RAP1B: variants seen among roughly 807,000 people sequenced by gnomAD.
RAP1B encodes ras-related protein Rap-1b.
In RAP1B, 1 loss-of-function variant was observed where a neutral mutation model predicts 27.5. The observed-to-expected ratio is 0.04, with a 90% CI of 0.01 to 0.17. RAP1B has a LOEUF of 0.17. Among genes scored for constraint, RAP1B ranks in the 10% least tolerant of loss-of-function variants. RAP1B has a pLI of 1.00. For missense variants in RAP1B, 84 were observed against 214.8 expected (o/e 0.39, Z 3.81); for synonymous variants, 75 against 73.1 (o/e 1.03, Z -0.13).
intron 3 of RAP1B, chr12:68,650,925 T>G (rs1163530444): frequency 6.6e-6 from 1 of 152,428 alleles, no homozygotes; most frequent in Non-Finnish European, 1.5e-5. Flanking sequence ...GATTTCAGAT[T>G]ATTTTCTGAT....
At chr12:68,626,962 C>T in intron 1 of RAP1B, 1 of 1,522,862 alleles carries the variant, frequency 6.6e-7, no homozygotes, top group Non-Finnish European at 9.0e-7. Context: ...TTCTCAGTCA[C>T]CATGTCTTCA....
Position 68,646,826 on chromosome 12 carries a change from C to T in RAP1B, c.-26-1873C>T, listed in dbSNP as rs566900829. Among the ~76,000 whole-genome samples, 6 of 152,298 alleles carry T rather than the reference C, an allele frequency of 3.9e-5. No homozygotes were observed. The South Asian group carries it at 1.2e-3, about 32-fold the overall frequency. ...ACAAGTAGCCTCATCTGTGGGCTTG[C>T]ATTTCTTCGAAAACAAAGACCTTTT... On this transcript the variant is annotated intron_variant, in intron 1 of 7. Coordinates refer to ENST00000250559, the MANE Select transcript of RAP1B (RefSeq NM_001010942.3).
intron 1 of RAP1B, among the ~76,000 whole-genome samples, chr12:68,627,761 G>GA (rs1871917775): frequency 6.6e-6 from 1 of 151,982 alleles, no homozygotes; most frequent in Admixed American, 6.6e-5. Flanking sequence ...CCAGTATACT[G>GA]AAAAAACAGA....
At chr12:68,648,612 C>G (rs1236363445) in intron 1 of RAP1B, 87 bp from the exon 2 acceptor site, 2 of 1,083,962 alleles carry the variant, frequency 1.8e-6, no homozygotes, top group East Asian at 5.2e-5. Flanking sequence ...TTAAATAAAT[C>G]TATTTTCCTG....
chr12:68,619,266 T>A (rs950916492), intron 1 of RAP1B, among the ~76,000 whole-genome samples: 1 of 152,160 alleles, frequency 6.6e-6, no homozygotes, highest in Non-Finnish European at 1.5e-5. Context: ...TTGAAAACAG[T>A]GAGGCTTTGC....
chr12:68,624,002 C>T (rs1871568414), intron 1 of RAP1B, among the ~76,000 whole-genome samples: 2 of 140,542 alleles, frequency 1.4e-5, no homozygotes, highest in Admixed American at 1.5e-4. Flanking sequence ...GCCTGGGCGA[C>T]AGAGTGAGAC....
intron 1 of RAP1B, chr12:68,643,068 T>C: frequency 1.5e-6 from 1 of 669,966 alleles, no homozygotes. Flanking sequence ...GTTGTTCATC[T>C]TAAAATTTCT....
rs903392829 is a variant in RAP1B at position 68,637,512 on chromosome 12, A to G, written c.-26-11187A>G. On this transcript the variant is annotated intron_variant, in intron 1 of 7. Coordinates refer to ENST00000250559, the MANE Select transcript of RAP1B (RefSeq NM_001010942.3). ...CTCGGGAGGCTGAGAGAGGAGAATCAGTTGAACCAGGGAGGCTGAGGTTGC... is the reference window on the plus strand; with the variant it reads ...CTCGGGAGGCTGAGAGAGGAGAATCGGTTGAACCAGGGAGGCTGAGGTTGC... Among the ~76,000 whole-genome samples the G allele has an allele frequency of 3.5e-5, 5 of 143,702 alleles. No individual in the cohort carries two copies. In the Admixed American group the frequency reaches 3.7e-4, roughly 11 times the overall value. 94.3% of individuals were successfully genotyped at this position (143,702 alleles called of 152,430 possible). A position where few individuals can be genotyped will look rare whatever the true frequency, so the allele number is the denominator to read the frequency against.
chr12:68,650,584 T>G, intron 3 of RAP1B, 116 bp downstream of exon 3: 2 of 993,026 alleles, frequency 2.0e-6, no homozygotes, highest in East Asian at 3.5e-5. Flanking sequence ...TTTATAAAAT[T>G]AGTGGGAAAA....
chr12:68,657,366 T>C, intron 7 of RAP1B, 149 bp downstream of exon 7: 1 of 513,954 alleles, frequency 1.9e-6, no homozygotes, highest in African/African-American at 2.0e-5. Flanking sequence ...TATGCTATCT[T>C]ATTAATTATT....
At chr12:68,658,611 T>TA (rs1414820350) in intron 7 of RAP1B, among the ~76,000 whole-genome samples, 1 of 152,262 alleles carries the variant, frequency 6.6e-6, no homozygotes, top group Non-Finnish European at 1.5e-5. Context: ...GTTTACTTTT[T>TA]AAAATCTTTA....
At chr12:68,629,708 T>TGTTAAGCA (rs559575895) in intron 1 of RAP1B, among the ~76,000 whole-genome samples, 87 of 152,270 alleles carry the variant, frequency 5.7e-4, no homozygotes, top group African/African-American at 2.0e-3. Flanking sequence ...AACAACTCAA[T>TGTTAAGCA]CTGTTAACTA....
chr12:68,634,319 A>G (rs181925170), intron 1 of RAP1B, among the ~76,000 whole-genome samples: 60 of 152,318 alleles, frequency 3.9e-4, no homozygotes, highest in East Asian at 1.3e-3. Flanking sequence ...TCCATTTTCA[A>G]ATGAGGAAAT....
chr12:68,651,751 G>C (rs1230811010), intron 3 of RAP1B: 1 of 444,742 alleles, frequency 2.2e-6, no homozygotes. Flanking sequence ...AGACTGGTTC[G>C]TGTAGGTTTC....
intron 1 of RAP1B, among the ~76,000 whole-genome samples, chr12:68,631,624 T>C (rs1014392558): frequency 6.6e-6 from 1 of 152,212 alleles, no homozygotes; most frequent in Non-Finnish European, 1.5e-5. Flanking sequence ...CTAATTAATG[T>C]TCCCATGTTA....
chr12:68,643,073 A>G (rs1873137267), intron 1 of RAP1B: 1 of 663,404 alleles, frequency 1.5e-6, no homozygotes, highest in East Asian at 2.5e-5. Context: ...TCATCTTAAA[A>G]TTTCTTTCAG....
intron 1 of RAP1B, among the ~76,000 whole-genome samples, chr12:68,630,560 T>G (rs998398393): frequency 8.5e-5 from 13 of 152,250 alleles, no homozygotes; most frequent in Non-Finnish European, 1.6e-4. Flanking sequence ...CTGTGTTAAG[T>G]TTTGATTATA....
At chr12:68,650,347 TTGAA>T in intron 2 of RAP1B, 49 bp from the exon 3 acceptor site, 3 of 1,429,472 alleles carry the variant, frequency 2.1e-6, no homozygotes, top group South Asian at 2.7e-5. Flanking sequence ...ACATTAAAGA[TTGAA>T]TGTACTCTTT....
At chr12:68,621,287 A>G (rs781133560) in intron 1 of RAP1B, among the ~76,000 whole-genome samples, 1 of 152,218 alleles carries the variant, frequency 6.6e-6, no homozygotes, top group Non-Finnish European at 1.5e-5. Flanking sequence ...GCAATTCTGA[A>G]TTAGGGAACA....
Sources: gnomAD v4.1 joint callset for allele counts (sites outside exome capture counted in the v4.1 genomes callset) on GRCh38, gnomAD v4.1.1 for gene constraint, MANE v1.5 for transcripts, NCBI Gene and HGNC (gene_info 2026-07-23, HGNC 2026-07-21) for gene names.